The following NCOA1 variants were observed in gnomAD, a reference collection of about 807,000 sequenced individuals.
NCOA1 encodes the protein Hin-2 protein.
A neutral mutation model predicts 150.9 loss-of-function variants in NCOA1; 35 were observed. The observed-to-expected ratio is 0.23, with a 90% CI of 0.18 to 0.31. The LOEUF is 0.31. NCOA1 is among the 10% of genes least tolerant of loss of function. NCOA1 has a pLI of 1.00. For synonymous variants in NCOA1, 590 were observed against 630.0 expected, an observed-to-expected ratio of 0.94 and a Z score of 0.95; for missense variants, 1,491 against 1,749.3, an observed-to-expected ratio of 0.85 and a Z score of 2.63.
intron 3 of NCOA1, among the ~76,000 whole-genome samples, chr2:24,642,045 T>TGC (rs1298017164): frequency 6.8e-6 from 1 of 147,108 alleles, no homozygotes; most frequent in Non-Finnish European, 1.5e-5. Context: ...TGTGCGCGCG[T>TGC]GCGTATGTGT....
chr2:24,639,773 A>C (rs1670094422), intron 3 of NCOA1, among the ~76,000 whole-genome samples: 1 of 151,216 alleles, frequency 6.6e-6, no homozygotes, highest in African/African-American at 2.4e-5. Flanking sequence ...CTGTAATCTC[A>C]GCTACTCAGG....
intron 8 of NCOA1, among the ~76,000 whole-genome samples, chr2:24,687,353 A>G (rs1314876125): frequency 6.6e-6 from 1 of 152,098 alleles, no homozygotes. Context: ...ACAAAAATGT[A>G]AAGCCTTTTT....
Position 24,762,727 on chromosome 2 carries a change from A to G in NCOA1, c.4106A>G (p.Asn1369Ser), listed in dbSNP as rs750935935. The G allele has an allele frequency of 2.2e-5, 36 of 1,614,020 alleles. No homozygotes were observed. Among genetic ancestry groups the G allele is most frequent in the African/African-American group, 5.3e-5 (4 of 74,936 alleles). ...CTGAGACACACAGGCCTCTACTGCA[A>G]CCAGCTCTCATCCACTGACCTTCTC... The part of the protein sequence containing the change: ...PALRHTGLYC[N>S]QLSSTDLLKT... The change falls in exon 22 of 23, where the codon AAC becomes AGC. Residue 1369 changes from asparagine (N) to serine (S), a missense_variant. Physicochemically the swap from Asn to Ser is conservative, Grantham distance 46. Transcript: ENST00000348332.
chr2:24,760,964 C>T (rs1664761756), intron 21 of NCOA1, among the ~76,000 whole-genome samples: 1 of 152,138 alleles, frequency 6.6e-6, no homozygotes, highest in African/African-American at 2.4e-5. Flanking sequence ...TCTCCTGCCT[C>T]AGCCTTCTGA....
chr2:24,639,906 A>ATGTG (rs1187967345), intron 3 of NCOA1, among the ~76,000 whole-genome samples: 2 of 19,754 alleles, frequency 1.0e-4, no homozygotes, highest in African/African-American at 2.1e-4. Flanking sequence ...AAAAAAAAGT[A>ATGTG]TGTGTGTGTG....
chr2:24,519,242 A>C (rs1664325466), intron 1 of NCOA1, among the ~76,000 whole-genome samples: 2 of 152,232 alleles, frequency 1.3e-5, no homozygotes. Flanking sequence ...GGAATGAAAT[A>C]CTGATACGTG....
intron 1 of NCOA1, among the ~76,000 whole-genome samples, chr2:24,494,747 G>C (rs143729491): frequency 6.6e-6 from 1 of 152,294 alleles, no homozygotes; most frequent in Non-Finnish European, 1.5e-5. Flanking sequence ...GTGGATGTCA[G>C]AACACTGTAT....
At chr2:24,714,499 C>CA (rs149827593) in intron 14 of NCOA1, among the ~76,000 whole-genome samples, 7,687 of 147,734 alleles carry the variant, frequency 0.052, 260 homozygotes, top group Middle Eastern at 0.089. Flanking sequence ...ATATAAACTA[C>CA]AAAAAAAAAG....
intron 1 of NCOA1, among the ~76,000 whole-genome samples, chr2:24,505,678 G>A (rs1335656641): frequency 2.0e-5 from 3 of 152,018 alleles, no homozygotes; most frequent in Non-Finnish European, 4.4e-5. Flanking sequence ...TTAGGTCATA[G>A]CATCCTTCCC....
At chr2:24,761,347 T>C (rs1664786423) in intron 21 of NCOA1, among the ~76,000 whole-genome samples, 1 of 152,212 alleles carries the variant, frequency 6.6e-6, no homozygotes, top group African/African-American at 2.4e-5. Context: ...TTTATATTAC[T>C]GTAGCCTCAG....
At position 24,608,246 on chromosome 2, in the gene NCOA1, CTATTATTATTAT is replaced by C. The variant is rs202179395; in HGVS notation, c.-175+23727_-175+23738del. ...CCCATATACTCCTCACCCAGTTCCC[CTATTATTATTAT>C]TATTATTATTATTATTATTATTATT... On this transcript the variant is annotated intron_variant, in intron 3 of 22. Transcript: ENST00000348332. 8.9e-3 allele frequency among the ~76,000 whole-genome samples: 1,179 copies of C among 131,844 alleles called. 10 individuals carry two copies. The highest frequency in any genetic ancestry group is 0.024 in the South Asian group (94 of 3,888). The allele number at this position is 131,844 out of a possible 152,430, so 86.5% of individuals were successfully genotyped here. A position where few individuals can be genotyped will look rare whatever the true frequency, so the allele number is the denominator to read the frequency against.
intron 3 of NCOA1, among the ~76,000 whole-genome samples, chr2:24,635,496 A>G (rs1442617455): frequency 3.9e-5 from 6 of 152,154 alleles, no homozygotes; most frequent in Admixed American, 6.5e-5. Flanking sequence ...AATAAAAAGT[A>G]CTCATGAAAA....
At chr2:24,552,178 T>A (rs1665854913) in intron 1 of NCOA1, among the ~76,000 whole-genome samples, 1 of 151,416 alleles carries the variant, frequency 6.6e-6, no homozygotes, top group African/African-American at 2.4e-5. Context: ...TCAGTTTTTT[T>A]AAAAAGCCTG....
chr2:24,666,024 T>A, intron 6 of NCOA1, 109 bp downstream of exon 6: 1 of 684,646 alleles, frequency 1.5e-6, no homozygotes, highest in Non-Finnish European at 1.9e-6. Context: ...ATTATTATTA[T>A]TTTTTGAGAT....
intron 1 of NCOA1, among the ~76,000 whole-genome samples, chr2:24,550,105 A>G (rs563986265): frequency 6.6e-6 from 1 of 152,288 alleles, no homozygotes; most frequent in African/African-American, 2.4e-5. Flanking sequence ...CATTGTCCTT[A>G]TCATTATCAG....
intron 1 of NCOA1, among the ~76,000 whole-genome samples, chr2:24,501,029 T>C (rs1663439231): frequency 6.6e-6 from 1 of 152,350 alleles, no homozygotes; most frequent in Non-Finnish European, 1.5e-5. Flanking sequence ...TTAAAAGAGC[T>C]GTTTAGTGAT....
intron 5 of NCOA1, among the ~76,000 whole-genome samples, chr2:24,664,702 A>C (rs1671334418): frequency 6.6e-6 from 1 of 151,856 alleles, no homozygotes; most frequent in South Asian, 2.1e-4. Flanking sequence ...GCAAGATTCC[A>C]TCTCAAAAAA....
rs1662939420 is a variant in NCOA1, at chr2:24,491,274, A to G, written c.-724A>G. Reference sequence around the variant, plus strand: ...GCGGCGGCGGCGGTGGCGGCCGAGGAGGAGAACATGGCGGCCGCGGAGAGC... The same window carrying G: ...GCGGCGGCGGCGGTGGCGGCCGAGGGGGAGAACATGGCGGCCGCGGAGAGC... On this transcript the variant is annotated 5_prime_UTR_variant, in exon 1 of 23. Transcript: ENST00000348332. Among the ~76,000 whole-genome samples, 1 of 144,366 alleles carries G rather than the reference A, an allele frequency of 6.9e-6. No individual in the cohort carries two copies. Among genetic ancestry groups the G allele is most frequent in the Non-Finnish European group, 1.5e-5 (1 of 65,398 alleles). 94.7% of individuals were successfully genotyped at this position (144,366 alleles called of 152,430 possible).
intron 6 of NCOA1, among the ~76,000 whole-genome samples, chr2:24,669,840 A>G (rs1318559375): frequency 6.6e-6 from 1 of 152,218 alleles, no homozygotes; most frequent in Non-Finnish European, 1.5e-5. Flanking sequence ...TAAGATGGCT[A>G]TAATCAAAAA....
Sources: gnomAD v4.1 joint callset for allele counts (sites outside exome capture counted in the v4.1 genomes callset) on GRCh38, gnomAD v4.1.1 for gene constraint, MANE v1.5 for transcripts, NCBI Gene and HGNC (gene_info 2026-07-23, HGNC 2026-07-21) for gene names.